CDC42BPA: variants seen among roughly 807,000 people sequenced by gnomAD.
The protein encoded by CDC42BPA is serine/threonine-protein kinase MRCK alpha.
CDC42BPA carries 80 observed loss-of-function variants against 223.5 expected under a neutral mutation model. That is an observed-to-expected ratio of 0.36 (90% CI 0.30 to 0.43). The LOEUF is 0.43. CDC42BPA is among the 20% of genes least tolerant of loss of function. The probability of loss-of-function intolerance (pLI) is 1.00; values close to 1 mark genes in which losing one functional copy is unlikely to be tolerated. For missense variants in CDC42BPA, 1,743 were observed against 2,099.9 expected (o/e 0.83, Z 3.32); for synonymous variants, 694 against 718.6 (o/e 0.97, Z 0.55).
intron 1 of CDC42BPA, among the ~76,000 whole-genome samples, chr1:227,293,637 C>A (rs764297223): frequency 7.9e-5 from 12 of 151,670 alleles, no homozygotes; most frequent in Admixed American, 1.3e-4. Flanking sequence ...ACCAGCCTAA[C>A]CAATATGGAG....
intron 21 of CDC42BPA, among the ~76,000 whole-genome samples, chr1:227,060,863 A>C (rs762213974): frequency 7.3e-5 from 11 of 151,590 alleles, no homozygotes; most frequent in Non-Finnish European, 1.5e-4. Flanking sequence ...CTGTGATTAC[A>C]AGTGCGCGCC....
intron 32 of CDC42BPA, among the ~76,000 whole-genome samples, chr1:227,018,059 T>TA (rs1666657164): frequency 6.9e-6 from 1 of 144,568 alleles, no homozygotes; most frequent in Non-Finnish European, 1.5e-5. Context: ...TTATTATTAT[T>TA]TATTTGAGGC....
chr1:227,301,976 C>T (rs1385461269), intron 1 of CDC42BPA, among the ~76,000 whole-genome samples: 2 of 152,144 alleles, frequency 1.3e-5, no homozygotes, highest in Non-Finnish European at 2.9e-5. Flanking sequence ...CTTAAACCCT[C>T]CCCAGATTTT....
At chr1:227,162,348 A>G (rs1397283938) in intron 5 of CDC42BPA, among the ~76,000 whole-genome samples, 1 of 152,184 alleles carries the variant, frequency 6.6e-6, no homozygotes, top group Non-Finnish European at 1.5e-5. Context: ...TCCTGATCTC[A>G]TCCTCTCCCT....
chr1:227,131,107 C>A (rs985068719), intron 10 of CDC42BPA, among the ~76,000 whole-genome samples: 2 of 151,992 alleles, frequency 1.3e-5, no homozygotes, highest in Non-Finnish European at 2.9e-5. Context: ...CTGTTCTTTC[C>A]ATTACTACTC....
chr1:227,272,151 A>T (rs2148475236), intron 1 of CDC42BPA, among the ~76,000 whole-genome samples: 1 of 152,330 alleles, frequency 6.6e-6, no homozygotes. Flanking sequence ...GATAATTTTA[A>T]GGTCACCTAT....
At chr1:227,145,776 T>C in intron 7 of CDC42BPA, 39 bp from the exon 8 acceptor site, 1 of 1,533,918 alleles carries the variant, frequency 6.5e-7, no homozygotes, top group Non-Finnish European at 8.9e-7. Flanking sequence ...TAAATCAGTG[T>C]TTAACATACT....
intron 1 of CDC42BPA, among the ~76,000 whole-genome samples, chr1:227,279,779 G>A (rs189254605): frequency 2.0e-5 from 3 of 152,160 alleles, no homozygotes; most frequent in African/African-American, 4.8e-5. Flanking sequence ...TACTAAGGCC[G>A]GGAACGGTGG....
intron 3 of CDC42BPA, among the ~76,000 whole-genome samples, chr1:227,208,960 T>G (rs993872643): frequency 6.6e-6 from 1 of 152,118 alleles, no homozygotes; most frequent in Admixed American, 6.6e-5. Flanking sequence ...ATGGCCATTT[T>G]CACGATATTG....
In CDC42BPA at chr1:227,297,570, GT is replaced by G. The variant is rs572830701; in HGVS notation, c.178+19434del. 1.9e-3 allele frequency among the ~76,000 whole-genome samples: 290 copies of G among 152,248 alleles called. 3 individuals carry two copies. Among genetic ancestry groups the G allele is most frequent in the African/African-American group, 6.1e-3 (253 of 41,544 alleles). Reference sequence around the variant, plus strand: ...CAACAAATGAACAGATAAACAGAATGTGGTATAGCCATACAATGGAATATTA... The same window carrying G: ...CAACAAATGAACAGATAAACAGAATGGGTATAGCCATACAATGGAATATTA... On this transcript the variant is annotated intron_variant, in intron 1 of 36. Coordinates refer to ENST00000366766, the MANE Select transcript of CDC42BPA (RefSeq NM_001394014.1).
chr1:227,164,337 T>G lies in CDC42BPA; in HGVS notation c.600-3701A>C, dbSNP rs899585341. Among the ~76,000 whole-genome samples the G allele has an allele frequency of 3.3e-5, 5 of 152,364 alleles. No homozygotes were observed. The East Asian group carries it at 5.8e-4, about 18-fold the overall frequency. ...TGAAATTTTTATGGGAATCATGATT[T>G]TATAGATTAATCTGAAGAGAACTGA... is the stretch of plus-strand genomic sequence containing the variant. On this transcript the variant is annotated intron_variant, in intron 5 of 36. Coordinates refer to ENST00000366766, the MANE Select transcript of CDC42BPA (RefSeq NM_001394014.1).
intron 12 of CDC42BPA, among the ~76,000 whole-genome samples, chr1:227,115,367 A>G (rs1240918165): frequency 6.6e-6 from 1 of 152,134 alleles, no homozygotes; most frequent in African/African-American, 2.4e-5. Flanking sequence ...TACACTAAGA[A>G]GAAATATTAT....
intron 5 of CDC42BPA, 120 bp downstream of exon 5, chr1:227,193,666 T>A (rs907976033): frequency 8.8e-6 from 7 of 798,160 alleles, no homozygotes; most frequent in Non-Finnish European, 1.3e-5. Flanking sequence ...CAAAATAATT[T>A]TTTTTGGTTG....
At chr1:227,092,196 TG>T (rs1490196635) in intron 15 of CDC42BPA, among the ~76,000 whole-genome samples, 1 of 152,232 alleles carries the variant, frequency 6.6e-6, no homozygotes, top group Non-Finnish European at 1.5e-5. Flanking sequence ...AATACTGATT[TG>T]TTCATTCATT....
In CDC42BPA at chr1:226,992,788, C is replaced by T. The variant is rs1039066181; in HGVS notation, c.*1480G>A. On this transcript the variant is annotated 3_prime_UTR_variant, in exon 37 of 37. Coordinates refer to ENST00000366766, the MANE Select transcript of CDC42BPA (RefSeq NM_001394014.1). ...CATGTGCTTAACTGGTGAAATGATT[C>T]TGTAGAAATAGATCCTTCTGATTCT... 1 of 152,166 alleles carries T rather than the reference C, an allele frequency of 6.6e-6. No homozygotes were observed. Among genetic ancestry groups the T allele is most frequent in the Non-Finnish European group, 1.5e-5 (1 of 68,040 alleles). The allele number at this position is 152,166 out of a possible 1,614,324, so 9.4% of individuals were successfully genotyped here.
chr1:227,099,251 T>A (rs575467755), intron 15 of CDC42BPA, among the ~76,000 whole-genome samples: 2 of 152,194 alleles, frequency 1.3e-5, no homozygotes, highest in South Asian at 4.2e-4. Flanking sequence ...AATATTTTTT[T>A]AAAAGTTAAC....
intron 4 of CDC42BPA, among the ~76,000 whole-genome samples, chr1:227,198,022 T>A (rs1671033858): frequency 6.6e-6 from 1 of 152,190 alleles, no homozygotes; most frequent in Non-Finnish European, 1.5e-5. Context: ...CAATTCTCAC[T>A]ATAACCCACA....
At chr1:227,132,904 CG>C (rs1485094931) in intron 10 of CDC42BPA, among the ~76,000 whole-genome samples, 7 of 151,568 alleles carry the variant, frequency 4.6e-5, no homozygotes, top group Non-Finnish European at 8.8e-5. Context: ...GCAACCGCCC[CG>C]ACTGAGAGGT....
chr1:227,072,172 G>GT (rs1558430694), intron 20 of CDC42BPA, 36 bp downstream of exon 20: 2 of 1,093,522 alleles, frequency 1.8e-6, no homozygotes, highest in Non-Finnish European at 2.7e-6. Context: ...TAACATAACA[G>GT]TAAGTCCTGA....
Sources: gnomAD v4.1 joint callset for allele counts (sites outside exome capture counted in the v4.1 genomes callset) on GRCh38, gnomAD v4.1.1 for gene constraint, MANE v1.5 for transcripts, NCBI Gene and HGNC (gene_info 2026-07-23, HGNC 2026-07-21) for gene names.